ADD3: variants seen among roughly 807,000 people sequenced by gnomAD.
ADD3 encodes adducin 3.
Under a neutral mutation model 80.2 loss-of-function variants are expected in ADD3, and 25 were observed. The ratio of observed to expected loss-of-function variants is 0.31; its 90% confidence interval spans 0.23 to 0.44. The LOEUF is 0.44. Ranked by LOEUF, ADD3 falls within the 20% of genes least tolerant of loss-of-function variation. ADD3 has a pLI of 1.00. For synonymous variants in ADD3, 284 were observed against 289.6 expected (o/e 0.98, Z 0.20); for missense variants, 829 against 847.5 (o/e 0.98, Z 0.27).
chr10:110,021,059 A>G (rs1853615385), intron 1 of ADD3, among the ~76,000 whole-genome samples: 1 of 152,220 alleles, frequency 6.6e-6, no homozygotes, highest in Non-Finnish European at 1.5e-5. Flanking sequence ...AAATGGTTGC[A>G]TATTTAATCC....
chr10:110,059,555 G>T (rs1355913696), intron 1 of ADD3, among the ~76,000 whole-genome samples: 3 of 150,904 alleles, frequency 2.0e-5, no homozygotes, highest in East Asian at 3.9e-4. Context: ...GAGGTCAGGA[G>T]TTCGAGAACA....
intron 1 of ADD3, among the ~76,000 whole-genome samples, chr10:110,018,417 A>G (rs550242829): frequency 1.2e-4 from 18 of 150,686 alleles, no homozygotes; most frequent in Non-Finnish European, 2.2e-4. Flanking sequence ...AATCCCAGCT[A>G]CTTGGGAGGC....
At chr10:110,052,389 C>G (rs1857617680) in intron 1 of ADD3, among the ~76,000 whole-genome samples, 1 of 152,142 alleles carries the variant, frequency 6.6e-6, no homozygotes, top group Admixed American at 6.5e-5. Context: ...GTGAGCATAA[C>G]CACCTGAGCT....
At chr10:110,120,920 A>G (rs1851413488) in intron 8 of ADD3, among the ~76,000 whole-genome samples, 1 of 152,034 alleles carries the variant, frequency 6.6e-6, no homozygotes, top group Admixed American at 6.6e-5. Flanking sequence ...TATTTAATAA[A>G]TGGTGCTGGG....
chr10:110,130,138 A>C (rs148857658), intron 12 of ADD3, among the ~76,000 whole-genome samples: 1 of 152,188 alleles, frequency 6.6e-6, no homozygotes, highest in Non-Finnish European at 1.5e-5. Context: ...AGGCTTATTG[A>C]GGAAATATCA....
At chr10:110,049,482 C>G (rs1857254145) in intron 1 of ADD3, among the ~76,000 whole-genome samples, 1 of 152,220 alleles carries the variant, frequency 6.6e-6, no homozygotes, top group South Asian at 2.1e-4. Context: ...GTGCTGTATT[C>G]TGCAAAGCCA....
Position 110,124,367 on chromosome 10 carries a change from A to C in ADD3, c.1401+93A>C. On this transcript the variant is annotated intron_variant, in intron 10 of 14. Transcript: ENST00000356080. ...TCTATATTGAAAATATTTGGAAAGT[A>C]AAATAATATTAAAAATATTACTGTC... 6 of 1,394,988 alleles carry C rather than the reference A, an allele frequency of 4.3e-6. No homozygotes were observed. The South Asian group carries it at 8.3e-5, about 19-fold the overall frequency. 86.4% of individuals were successfully genotyped at this position (1,394,988 alleles called of 1,614,324 possible). A position where few individuals can be genotyped will look rare whatever the true frequency, so the allele number is the denominator to read the frequency against.
chr10:110,065,012 C>A (rs867394536), intron 1 of ADD3, among the ~76,000 whole-genome samples: 2 of 151,894 alleles, frequency 1.3e-5, no homozygotes, highest in African/African-American at 2.4e-5. Flanking sequence ...GAGCTGAGAT[C>A]TTGTCTAGGC....
chr10:110,113,409 A>T (rs1030368477), intron 3 of ADD3, among the ~76,000 whole-genome samples: 1 of 152,124 alleles, frequency 6.6e-6, no homozygotes. Context: ...CTGGTATTAC[A>T]GGTGCGCGCC....
At chr10:110,080,440 G>A (rs1449072680) in intron 1 of ADD3, among the ~76,000 whole-genome samples, 1 of 152,204 alleles carries the variant, frequency 6.6e-6, no homozygotes, top group East Asian at 1.9e-4. Context: ...TGTGTGGTCT[G>A]TAATTTATTT....
chr10:110,072,018 T>G (rs1285113187), intron 1 of ADD3, among the ~76,000 whole-genome samples: 1 of 152,228 alleles, frequency 6.6e-6, no homozygotes, highest in Non-Finnish European at 1.5e-5. Flanking sequence ...ATCTATCACA[T>G]ATTAAATAGG....
At chr10:110,007,805 G>T (rs1851786709), upstream of ADD3, among the ~76,000 whole-genome samples, 1 of 150,310 alleles carries the variant, frequency 6.7e-6, no homozygotes, top group Non-Finnish European at 1.5e-5. Flanking sequence ...TGCCAGAGGC[G>T]AGGTCTTGAG....
At chr10:110,061,135 A>C (rs1858836836) in intron 1 of ADD3, among the ~76,000 whole-genome samples, 1 of 152,198 alleles carries the variant, frequency 6.6e-6, no homozygotes, top group Non-Finnish European at 1.5e-5. Flanking sequence ...GAAAGATGAG[A>C]AAGAGGTAAG....
chr10:110,127,986 A>C (rs570496648), intron 12 of ADD3, among the ~76,000 whole-genome samples: 1 of 150,856 alleles, frequency 6.6e-6, no homozygotes, highest in East Asian at 1.9e-4. Flanking sequence ...GAAAAGCATC[A>C]TTCTGTTCCC....
intron 1 of ADD3, among the ~76,000 whole-genome samples, chr10:110,088,183 A>G (rs905458848): frequency 6.6e-6 from 1 of 152,166 alleles, no homozygotes; most frequent in Admixed American, 6.5e-5. Flanking sequence ...CCTATTTTCA[A>G]ATAGGCCACA....
At chr10:110,108,082 A>G (rs1417093929) in intron 2 of ADD3, among the ~76,000 whole-genome samples, 1 of 152,136 alleles carries the variant, frequency 6.6e-6, no homozygotes. Flanking sequence ...GACTCCAGGG[A>G]ACTGTTGGCT....
intron 5 of ADD3, among the ~76,000 whole-genome samples, chr10:110,118,258 A>C (rs1851034031): frequency 6.6e-6 from 1 of 152,144 alleles, no homozygotes; most frequent in South Asian, 2.1e-4. Context: ...AATTCTATAC[A>C]TGCCAGACTT....
chr10:110,072,309 C>G (rs1315667074), intron 1 of ADD3, among the ~76,000 whole-genome samples: 1 of 152,196 alleles, frequency 6.6e-6, no homozygotes, highest in African/African-American at 2.4e-5. Context: ...TCGTGATCCC[C>G]CAGCCTCGGC....
intron 1 of ADD3, among the ~76,000 whole-genome samples, chr10:110,026,342 C>T (rs956664638): frequency 1.2e-4 from 18 of 146,194 alleles, no homozygotes; most frequent in African/African-American, 2.4e-4. Flanking sequence ...AGTGCAGTGG[C>T]GTGATCTCGG....
Sources: gnomAD v4.1 joint callset for allele counts (sites outside exome capture counted in the v4.1 genomes callset) on GRCh38, gnomAD v4.1.1 for gene constraint, MANE v1.5 for transcripts, NCBI Gene and HGNC (gene_info 2026-07-23, HGNC 2026-07-21) for gene names.